Variants in LRMDA observed in about 807,000 individuals in gnomAD.
LRMDA encodes leucine rich melanocyte differentiation associated.
In LRMDA, 18 loss-of-function variants were observed where a neutral mutation model predicts 29.8. The ratio of observed to expected loss-of-function variants is 0.60; its 90% CI spans 0.42 to 0.90. The LOEUF (loss-of-function observed/expected upper bound fraction) is 0.90. Among genes scored for constraint, LRMDA ranks in the 40% least tolerant of loss-of-function variants. The pLI is 0.00. For missense variants in LRMDA, 273 were observed against 273.9 expected (o/e 1.00, Z 0.02); for synonymous variants, 125 against 109.4 (o/e 1.14, Z -0.89).
At chr10:76,142,007 C>T (rs1199068354) in intron 5 of LRMDA, among the ~76,000 whole-genome samples, 1 of 151,934 alleles carries the variant, frequency 6.6e-6, no homozygotes, top group Non-Finnish European at 1.5e-5. Context: ...CATAATACTG[C>T]CCCACTTGGG....
chr10:75,597,743 G>C (rs746468297), intron 2 of LRMDA, among the ~76,000 whole-genome samples: 1 of 152,158 alleles, frequency 6.6e-6, no homozygotes, highest in Non-Finnish European at 1.5e-5. Flanking sequence ...GATGATAGTT[G>C]GAATTTTTGG....
At chr10:76,427,091 T>A (rs1299087109) in intron 6 of LRMDA, among the ~76,000 whole-genome samples, 1 of 152,202 alleles carries the variant, frequency 6.6e-6, no homozygotes, top group Non-Finnish European at 1.5e-5. Flanking sequence ...ATGCGGACTC[T>A]TTTTTGGTTC....
chr10:76,262,279 C>T (rs1411926680), intron 5 of LRMDA, among the ~76,000 whole-genome samples: 1 of 152,114 alleles, frequency 6.6e-6, no homozygotes, highest in Non-Finnish European at 1.5e-5. Context: ...TCAGGAATCA[C>T]CGGGGTTCTC....
chr10:76,079,010 G>T (rs776843760), intron 5 of LRMDA, among the ~76,000 whole-genome samples: 2 of 152,066 alleles, frequency 1.3e-5, no homozygotes, highest in Non-Finnish European at 2.9e-5. Flanking sequence ...TCCTTGGAAG[G>T]ATTTGGGTAG....
intron 2 of LRMDA, among the ~76,000 whole-genome samples, chr10:75,649,090 C>T (rs1268254178): frequency 1.3e-5 from 2 of 152,162 alleles, no homozygotes; most frequent in Non-Finnish European, 2.9e-5. Context: ...AAGCTGAAAC[C>T]CATTAAACAG....
chr10:75,722,543 A>G (rs1166579441), intron 2 of LRMDA, among the ~76,000 whole-genome samples: 1 of 152,158 alleles, frequency 6.6e-6, no homozygotes, highest in African/African-American at 2.4e-5. Flanking sequence ...CACCAAGTCC[A>G]GGGCTAACCT....
At chr10:76,348,747 A>C (rs967986243) in intron 6 of LRMDA, among the ~76,000 whole-genome samples, 2 of 152,224 alleles carry the variant, frequency 1.3e-5, no homozygotes, top group Non-Finnish European at 2.9e-5. Flanking sequence ...GACACTGTAC[A>C]TGTGTAGAAA....
At chr10:75,771,088 G>C (rs1375186247) in intron 2 of LRMDA, among the ~76,000 whole-genome samples, 1 of 152,156 alleles carries the variant, frequency 6.6e-6, no homozygotes, top group Admixed American at 6.5e-5. Flanking sequence ...GTCCCTGGGG[G>C]TTGGTGTGGT....
At chr10:75,454,568 A>G (rs968511147) in intron 2 of LRMDA, among the ~76,000 whole-genome samples, 2 of 152,098 alleles carry the variant, frequency 1.3e-5, no homozygotes, top group Non-Finnish European at 2.9e-5. Flanking sequence ...TATTTTTCAG[A>G]ATGTATTCCC....
At chr10:76,334,762 C>T (rs1221147864) in intron 6 of LRMDA, among the ~76,000 whole-genome samples, 1 of 152,106 alleles carries the variant, frequency 6.6e-6, no homozygotes, top group Admixed American at 6.5e-5. Context: ...TGCTTCAGGT[C>T]ACTGCAGGGG....
chr10:76,322,114 T>C (rs183333496), intron 5 of LRMDA, among the ~76,000 whole-genome samples: 3 of 152,218 alleles, frequency 2.0e-5, no homozygotes, highest in African/African-American at 4.8e-5. Context: ...CAATATACGA[T>C]GGGTGTACTG....
chr10:76,551,131 C>A (rs532549352), intron 6 of LRMDA, among the ~76,000 whole-genome samples: 1 of 151,222 alleles, frequency 6.6e-6, no homozygotes, highest in African/African-American at 2.4e-5. Flanking sequence ...GCTCTTTAGG[C>A]CAGATGATAA....
intron 6 of LRMDA, among the ~76,000 whole-genome samples, chr10:76,354,114 A>G (rs1841210906): frequency 6.6e-6 from 1 of 152,178 alleles, no homozygotes; most frequent in Admixed American, 6.5e-5. Context: ...AGTGACAGCA[A>G]CTGACTGCAG....
chr10:75,808,497 A>G (rs1465006494), intron 2 of LRMDA, among the ~76,000 whole-genome samples: 1 of 152,196 alleles, frequency 6.6e-6, no homozygotes, highest in Non-Finnish European at 1.5e-5. Context: ...AATCATTTGA[A>G]TAATGATGTT....
At chr10:76,193,764 A>T (rs1851286427) in intron 5 of LRMDA, among the ~76,000 whole-genome samples, 1 of 152,224 alleles carries the variant, frequency 6.6e-6, no homozygotes, top group African/African-American at 2.4e-5. Context: ...AAAATGAGTA[A>T]AGCATGGCCC....
At chr10:76,533,141 G>GAGAGCA (rs1262857249) in intron 6 of LRMDA, among the ~76,000 whole-genome samples, 2 of 130,190 alleles carry the variant, frequency 1.5e-5, no homozygotes, top group African/African-American at 5.1e-5. Flanking sequence ...GATGGAGAGC[G>GAGAGCA]AGAGCGAGAG....
intron 6 of LRMDA, among the ~76,000 whole-genome samples, chr10:76,417,562 C>A (rs1348212858): frequency 6.6e-6 from 1 of 151,934 alleles, no homozygotes; most frequent in Non-Finnish European, 1.5e-5. Context: ...ATAAAGGTAG[C>A]CAACATTCAG....
At chr10:75,746,757 C>T (rs2132215029) in intron 2 of LRMDA, among the ~76,000 whole-genome samples, 1 of 151,832 alleles carries the variant, frequency 6.6e-6, no homozygotes, top group East Asian at 1.9e-4. Flanking sequence ...TGACATGGCC[C>T]TTATGGAAGA....
intron 6 of LRMDA, among the ~76,000 whole-genome samples, chr10:76,531,358 C>T (rs1174255354): frequency 6.6e-6 from 1 of 152,060 alleles, no homozygotes; most frequent in Non-Finnish European, 1.5e-5. Flanking sequence ...AGTAAATTTC[C>T]CATCTTTTTT....
Sources: gnomAD v4.1 joint callset for allele counts (sites outside exome capture counted in the v4.1 genomes callset) on GRCh38, gnomAD v4.1.1 for gene constraint, MANE v1.5 for transcripts, NCBI Gene and HGNC (gene_info 2026-07-23, HGNC 2026-07-21) for gene names.